Variants in SHTN1 observed in about 807,000 individuals in gnomAD.
SHTN1 encodes the protein shootin-1.
Under a neutral mutation model 83.1 loss-of-function variants are expected in SHTN1, and 42 were observed. The observed-to-expected ratio is 0.51, with a 90% CI of 0.39 to 0.65. The LOEUF is 0.65. Ranked by LOEUF, SHTN1 falls within the 30% of genes least tolerant of loss-of-function variation. The pLI, the probability that SHTN1 is intolerant of heterozygous loss-of-function variation, is 0.00. For synonymous variants in SHTN1, 224 were observed against 247.7 expected, an observed-to-expected ratio of 0.90 and a Z score of 0.90; for missense variants, 622 against 737.8, an observed-to-expected ratio of 0.84 and a Z score of 1.82.
At chr10:117,042,609 T>C (rs1188303496) in intron 2 of SHTN1, among the ~76,000 whole-genome samples, 1 of 151,054 alleles carries the variant, frequency 6.6e-6, no homozygotes, top group East Asian at 2.0e-4. Context: ...TCATGACCAG[T>C]AGCACCTATG....
At chr10:117,118,341 C>T (rs1291892085) in intron 1 of SHTN1, among the ~76,000 whole-genome samples, 3 of 136,092 alleles carry the variant, frequency 2.2e-5, no homozygotes, top group African/African-American at 8.7e-5. Context: ...GCAAATCCAC[C>T]ACAATGAAAT....
intron 2 of SHTN1, among the ~76,000 whole-genome samples, chr10:117,016,843 A>G (rs1589896899): frequency 6.6e-6 from 1 of 152,176 alleles, no homozygotes; most frequent in Non-Finnish European, 1.5e-5. Flanking sequence ...ATTAATATAT[A>G]CAAATAGGTA....
chr10:116,941,050 A>G (rs1034660111), intron 8 of SHTN1, among the ~76,000 whole-genome samples: 1 of 152,242 alleles, frequency 6.6e-6, no homozygotes, highest in Non-Finnish European at 1.5e-5. Context: ...GAATCATTTT[A>G]CATTCATTAT....
intron 2 of SHTN1, among the ~76,000 whole-genome samples, chr10:117,037,889 C>G (rs1390970462): frequency 7.7e-6 from 1 of 129,548 alleles, no homozygotes; most frequent in Non-Finnish European, 1.6e-5. Context: ...GCTTATATTC[C>G]CAGGTACTTG....
chr10:116,963,067 T>G (rs1850248641), intron 3 of SHTN1, among the ~76,000 whole-genome samples: 10 of 76,230 alleles, frequency 1.3e-4, no homozygotes, highest in East Asian at 1.2e-3. Flanking sequence ...TTTTTTTTTT[T>G]TTTTTTTTTT....
At chr10:117,044,563 T>A (rs1237159140) in intron 2 of SHTN1, among the ~76,000 whole-genome samples, 1 of 152,150 alleles carries the variant, frequency 6.6e-6, no homozygotes, top group Non-Finnish European at 1.5e-5. Context: ...GTGTAGAGTA[T>A]TTTCTATATC....
Position 116,921,762 on chromosome 10 carries a change from CACTT to C in SHTN1, c.1113-250_1113-247del, listed in dbSNP as rs1217706790. ...CTACTATAATAATAAAATGCATACA[CACTT>C]ACAAAGGAAAAGAGACAAAAAATTT... On this transcript the variant is annotated intron_variant, in intron 11 of 16. Transcript: ENST00000355371. 7.9e-5 allele frequency among the ~76,000 whole-genome samples: 12 copies of C among 152,178 alleles called. No homozygotes were observed. In the East Asian group the frequency reaches 2.3e-3, roughly 29 times the overall value.
intron 1 of SHTN1, among the ~76,000 whole-genome samples, chr10:117,123,085 C>T (rs906346751): frequency 1.3e-5 from 2 of 151,344 alleles, no homozygotes; most frequent in African/African-American, 4.9e-5. Context: ...TCACTGCAAC[C>T]TCTGCCTCCC....
intron 1 of SHTN1, among the ~76,000 whole-genome samples, chr10:117,075,618 A>G (rs1405482295): frequency 6.6e-6 from 1 of 152,192 alleles, no homozygotes; most frequent in Admixed American, 6.5e-5. Flanking sequence ...AGGAGTGGTC[A>G]AGAAGACACC....
At chr10:116,986,311 A>T (rs998988401) in intron 1 of SHTN1, among the ~76,000 whole-genome samples, 1 of 152,230 alleles carries the variant, frequency 6.6e-6, no homozygotes, top group Non-Finnish European at 1.5e-5. Flanking sequence ...AAAACTGAAG[A>T]GACACATAAG....
At chr10:117,003,105 TTA>T (rs1329739977) in intron 1 of SHTN1, among the ~76,000 whole-genome samples, 1 of 152,118 alleles carries the variant, frequency 6.6e-6, no homozygotes, top group Non-Finnish European at 1.5e-5. Flanking sequence ...GAAAATTTTT[TTA>T]TGTTTATCAT....
chr10:116,898,324 TA>T (rs76622436), intron 16 of SHTN1, among the ~76,000 whole-genome samples: 575 of 138,092 alleles, frequency 4.2e-3, no homozygotes, highest in Middle Eastern at 0.015. Flanking sequence ...AGACTACATC[TA>T]AAAAAAAAAA....
chr10:116,991,457 C>T (rs2133513670), intron 1 of SHTN1, among the ~76,000 whole-genome samples: 1 of 152,036 alleles, frequency 6.6e-6, no homozygotes, highest in Admixed American at 6.5e-5. Context: ...TGGCAGAAGG[C>T]GAAGGGGAAC....
chr10:116,979,091 G>A (rs1262484183), intron 2 of SHTN1, among the ~76,000 whole-genome samples, 165 bp downstream of exon 2: 1 of 152,176 alleles, frequency 6.6e-6, no homozygotes, highest in Non-Finnish European at 1.5e-5. Context: ...CTGGAGCCTG[G>A]AGTTGGTATT....
intron 14 of SHTN1, chr10:116,911,420 T>C (rs1848186466): frequency 6.6e-7 from 1 of 1,524,962 alleles, no homozygotes. Flanking sequence ...ATTCTCCTTT[T>C]AGGCTTCAAA....
intron 3 of SHTN1, among the ~76,000 whole-genome samples, chr10:116,965,129 G>C (rs763077216): frequency 1.3e-5 from 2 of 152,324 alleles, no homozygotes; most frequent in African/African-American, 4.8e-5. Context: ...ATGGACATAT[G>C]GATAAAAACA....
At chr10:116,896,367 T>C (rs145624667) in intron 16 of SHTN1, among the ~76,000 whole-genome samples, 116 of 152,168 alleles carry the variant, frequency 7.6e-4, no homozygotes, top group Non-Finnish European at 4.9e-4. Flanking sequence ...AGCTACTCAT[T>C]ACTCAACATC....
intron 1 of SHTN1, among the ~76,000 whole-genome samples, chr10:117,065,691 C>T: frequency 1.4e-5 from 2 of 140,526 alleles, no homozygotes; most frequent in Non-Finnish European, 3.0e-5. Flanking sequence ...GCAGTCTAGC[C>T]TGGGCAACAA....
chr10:117,078,997 T>A (rs1297023857), intron 1 of SHTN1, among the ~76,000 whole-genome samples: 1 of 150,800 alleles, frequency 6.6e-6, no homozygotes, highest in Non-Finnish European at 1.5e-5. Flanking sequence ...TTCTTTGTCT[T>A]CATTAGCTTG....
Sources: gnomAD v4.1 joint callset for allele counts (sites outside exome capture counted in the v4.1 genomes callset) on GRCh38, gnomAD v4.1.1 for gene constraint, MANE v1.5 for transcripts, NCBI Gene and HGNC (gene_info 2026-07-23, HGNC 2026-07-21) for gene names.